Variants in RARB observed in about 807,000 individuals in gnomAD.
RARB encodes retinoic acid receptor beta, also known as HBV-activated protein.
Under a neutral mutation model 51.9 loss-of-function variants are expected in RARB, and 17 were observed. The ratio of observed to expected loss-of-function variants is 0.33; its 90% CI spans 0.22 to 0.49. The LOEUF (loss-of-function observed/expected upper bound fraction) is 0.49, where lower values mean the gene tolerates loss of function less well. Ranked by LOEUF, RARB falls within the 20% of genes least tolerant of loss-of-function variation. The pLI is 0.99. For synonymous variants in RARB, 215 were observed against 195.4 expected (o/e 1.10, Z -0.84); for missense variants, 369 against 550.8 (o/e 0.67, Z 3.30).
intron 5 of RARB, among the ~76,000 whole-genome samples, chr3:25,272,223 G>A (rs967473431): frequency 2.0e-5 from 3 of 152,130 alleles, no homozygotes; most frequent in African/African-American, 4.8e-5. Flanking sequence ...ATCTCCGGTT[G>A]TGTACTGTGC....
At chr3:25,057,067 A>C (rs1276012599) in intron 2 of RARB, among the ~76,000 whole-genome samples, 1 of 152,122 alleles carries the variant, frequency 6.6e-6, no homozygotes, top group African/African-American at 2.4e-5. Flanking sequence ...TTCATCATCC[A>C]TAATCAGGTA....
At chr3:25,062,637 T>C (rs879736468) in intron 3 of RARB, among the ~76,000 whole-genome samples, 1 of 151,902 alleles carries the variant, frequency 6.6e-6, no homozygotes, top group Non-Finnish European at 1.5e-5. Context: ...GAGAACACTA[T>C]GCTAAGTGAA....
intron 5 of RARB, among the ~76,000 whole-genome samples, chr3:25,310,004 G>T (rs951952660): frequency 6.6e-6 from 1 of 152,342 alleles, no homozygotes; most frequent in Admixed American, 6.5e-5. Flanking sequence ...CCCTTCCCCT[G>T]TTAGCAGCAT....
intron 4 of RARB, among the ~76,000 whole-genome samples, chr3:25,573,819 C>A (rs558944218): frequency 6.6e-6 from 1 of 152,188 alleles, no homozygotes; most frequent in Non-Finnish European, 1.5e-5. Flanking sequence ...CAGCCAACTG[C>A]GCATCTACAG....
chr3:25,149,506 C>T (rs1397669530), intron 4 of RARB, among the ~76,000 whole-genome samples: 2 of 152,172 alleles, frequency 1.3e-5, no homozygotes, highest in Non-Finnish European at 1.5e-5. Flanking sequence ...AACGCATTGC[C>T]AAAGCTGCAT....
chr3:25,306,144 G>C (rs944154465), intron 5 of RARB, among the ~76,000 whole-genome samples: 1 of 152,196 alleles, frequency 6.6e-6, no homozygotes, highest in African/African-American at 2.4e-5. Context: ...AGGAAGTCCA[G>C]TGCCCCATTT....
chr3:25,066,371 A>G (rs1698662385), intron 3 of RARB, among the ~76,000 whole-genome samples: 1 of 152,236 alleles, frequency 6.6e-6, no homozygotes, highest in Non-Finnish European at 1.5e-5. Flanking sequence ...CAAATTTATT[A>G]TCCATAAATA....
At chr3:25,427,821 T>C (rs1480804222), upstream of RARB, among the ~76,000 whole-genome samples, 1 of 152,056 alleles carries the variant, frequency 6.6e-6, no homozygotes, top group Non-Finnish European at 1.5e-5. Context: ...ACATAAGTTA[T>C]AAGGAATTTA....
At chr3:24,878,915 T>G (rs1316773444) in intron 2 of RARB, among the ~76,000 whole-genome samples, 4 of 152,200 alleles carry the variant, frequency 2.6e-5, no homozygotes, top group Non-Finnish European at 5.9e-5. Flanking sequence ...TTTTTCAAAT[T>G]TATTTAGTTG....
At chr3:24,912,553 G>A (rs1695012388) in intron 2 of RARB, among the ~76,000 whole-genome samples, 1 of 152,138 alleles carries the variant, frequency 6.6e-6, no homozygotes, top group South Asian at 2.1e-4. Context: ...TTAGGAAGAT[G>A]CAGTTCAGCT....
intron 5 of RARB, among the ~76,000 whole-genome samples, chr3:25,332,329 G>A (rs575119035): frequency 7.9e-5 from 12 of 152,282 alleles, no homozygotes; most frequent in East Asian, 3.9e-4. Flanking sequence ...TATCCACCAC[G>A]ATCAAGTTGG....
chr3:25,028,350 C>T (rs540597308), intron 2 of RARB, among the ~76,000 whole-genome samples: 2 of 152,314 alleles, frequency 1.3e-5, no homozygotes, highest in African/African-American at 4.8e-5. Flanking sequence ...TTCTCTCATT[C>T]TTGCATCTCT....
intron 5 of RARB, among the ~76,000 whole-genome samples, chr3:25,389,620 G>T (rs1222610893): frequency 6.6e-6 from 1 of 152,102 alleles, no homozygotes; most frequent in East Asian, 1.9e-4. Flanking sequence ...GGTGTTGGGG[G>T]AATGAGAAGC....
chr3:24,887,300 C>T (rs1269557591), intron 2 of RARB, among the ~76,000 whole-genome samples: 1 of 152,110 alleles, frequency 6.6e-6, no homozygotes, highest in African/African-American at 2.4e-5. Flanking sequence ...GCTATCCTCT[C>T]AATGAAAGAT....
chr3:25,305,272 T>C (rs1015288225), intron 5 of RARB, among the ~76,000 whole-genome samples: 1 of 152,010 alleles, frequency 6.6e-6, no homozygotes, highest in African/African-American at 2.4e-5. Context: ...GGAGAGGTTT[T>C]AAGGAAAAAG....
chr3:25,185,952 C>T (rs1305941865), intron 5 of RARB, among the ~76,000 whole-genome samples: 1 of 151,988 alleles, frequency 6.6e-6, no homozygotes, highest in Non-Finnish European at 1.5e-5. Flanking sequence ...TCTGTCTTCA[C>T]TTTAAGAACA....
chr3:25,113,325 G>T (rs1038892576), intron 3 of RARB, among the ~76,000 whole-genome samples: 6 of 151,822 alleles, frequency 4.0e-5, no homozygotes, highest in Admixed American at 1.3e-4. Context: ...ATTACCACTG[G>T]GTACAATATG....
intron 4 of RARB, among the ~76,000 whole-genome samples, chr3:25,574,829 C>T (rs1343375285): frequency 6.6e-6 from 1 of 152,084 alleles, no homozygotes; most frequent in Non-Finnish European, 1.5e-5. Context: ...CTAACATTTG[C>T]CATCAACCAG....
At chr3:25,242,154 G>GTT (rs568737408) in intron 5 of RARB, among the ~76,000 whole-genome samples, 1 of 150,616 alleles carries the variant, frequency 6.6e-6, no homozygotes, top group African/African-American at 2.4e-5. Flanking sequence ...TTTCAATGAG[G>GTT]TTTTTTTTTC....
Sources: gnomAD v4.1 joint callset for allele counts (sites outside exome capture counted in the v4.1 genomes callset) on GRCh38, gnomAD v4.1.1 for gene constraint, MANE v1.5 for transcripts, NCBI Gene and HGNC (gene_info 2026-07-23, HGNC 2026-07-21) for gene names.